Variants in CDH12 observed in about 807,000 individuals in gnomAD.
The protein encoded by CDH12 is cadherin 12.
A neutral mutation model predicts 74.1 loss-of-function variants in CDH12; 41 were observed. That is an observed-to-expected ratio of 0.55 (90% confidence interval 0.43 to 0.72). The LOEUF (loss-of-function observed/expected upper bound fraction) is 0.72. CDH12 is among the 30% of genes least tolerant of loss of function. CDH12 has a pLI of 0.00. For synonymous variants in CDH12, 399 were observed against 355.0 expected, an observed-to-expected ratio of 1.12 and a Z score of -1.39; for missense variants, 945 against 977.2, an observed-to-expected ratio of 0.97 and a Z score of 0.44.
At chr5:22,784,129 T>C (rs1212286997) in intron 1 of CDH12, among the ~76,000 whole-genome samples, 1 of 152,196 alleles carries the variant, frequency 6.6e-6, no homozygotes, top group East Asian at 1.9e-4. Flanking sequence ...TGCCACTATA[T>C]ATAAAGGTTT....
At chr5:22,017,430 A>T (rs1737674501) in intron 5 of CDH12, among the ~76,000 whole-genome samples, 1 of 151,998 alleles carries the variant, frequency 6.6e-6, no homozygotes, top group Admixed American at 6.6e-5. Context: ...CCCTATGAAA[A>T]CTTCAATCCA....
intron 4 of CDH12, among the ~76,000 whole-genome samples, chr5:22,094,575 G>A (rs1315109467): frequency 6.6e-6 from 1 of 152,082 alleles, no homozygotes; most frequent in Non-Finnish European, 1.5e-5. Flanking sequence ...GGGAGAGGGG[G>A]AGAAAGAAGA....
rs923464378 is a variant in CDH12, at chr5:22,643,803, T to A, written c.-522-138439A>T. On this transcript the variant is annotated intron_variant, in intron 1 of 14. Coordinates refer to ENST00000382254, the MANE Select transcript of CDH12 (RefSeq NM_004061.5). ...GTGGCAGCCCTGCATTGAGCAAGTC[T>A]ATCAGTACCATTTTTCCAACGGCAT... Among the ~76,000 whole-genome samples, 3 of 141,732 alleles carry A rather than the reference T, an allele frequency of 2.1e-5. 1 individual carries two copies. Among genetic ancestry groups the A allele is most frequent in the Admixed American group, 7.4e-5 (1 of 13,560 alleles). The allele number at this position is 141,732 out of a possible 152,430, so 93.0% of individuals were successfully genotyped here.
chr5:22,141,708 A>G (rs1281727309), intron 4 of CDH12, among the ~76,000 whole-genome samples: 1 of 152,200 alleles, frequency 6.6e-6, no homozygotes, highest in Non-Finnish European at 1.5e-5. Context: ...GAATTGAAAA[A>G]TATTTTGGAG....
At chr5:22,313,132 G>A (rs1738461340) in intron 3 of CDH12, among the ~76,000 whole-genome samples, 1 of 152,152 alleles carries the variant, frequency 6.6e-6, no homozygotes, top group South Asian at 2.1e-4. Context: ...CCCCTTGGTG[G>A]AGAAGGGTAG....
At chr5:22,700,464 C>A (rs1395102529) in intron 1 of CDH12, among the ~76,000 whole-genome samples, 2 of 152,188 alleles carry the variant, frequency 1.3e-5, no homozygotes, top group Non-Finnish European at 2.9e-5. Context: ...TATTACTTTA[C>A]CTCTTGCCAA....
At chr5:22,447,641 G>T (rs984610468) in intron 2 of CDH12, among the ~76,000 whole-genome samples, 4 of 151,850 alleles carry the variant, frequency 2.6e-5, no homozygotes, top group Non-Finnish European at 5.9e-5. Flanking sequence ...TTTTAAATTT[G>T]GCTTCATTAA....
intron 1 of CDH12, among the ~76,000 whole-genome samples, chr5:22,633,700 C>T (rs1177562884): frequency 6.6e-6 from 1 of 152,130 alleles, no homozygotes; most frequent in African/African-American, 2.4e-5. Flanking sequence ...GATTCTCAGG[C>T]CTTCAAATCT....
rs1259584482 is a variant in CDH12 at position 22,431,215 on chromosome 5, C to T, written c.-427-25864G>A. 2.0e-5 allele frequency among the ~76,000 whole-genome samples: 3 copies of T among 152,204 alleles called. No homozygotes were observed. In the East Asian group the frequency reaches 5.8e-4, roughly 29 times the overall value. ...GCACACAGCAATCAAATATATTAAG[C>T]CACTCAAATCACATATGGTCGTACT... On this transcript the variant is annotated intron_variant, in intron 2 of 14. Coordinates refer to ENST00000382254, the MANE Select transcript of CDH12 (RefSeq NM_004061.5).
intron 3 of CDH12, among the ~76,000 whole-genome samples, chr5:22,344,275 G>A (rs1398999597): frequency 6.6e-6 from 1 of 152,002 alleles, no homozygotes; most frequent in African/African-American, 2.4e-5. Context: ...TTGTTTTCTT[G>A]TTGCATTATG....
At chr5:22,764,494 A>T (rs1377937829) in intron 1 of CDH12, among the ~76,000 whole-genome samples, 1 of 152,036 alleles carries the variant, frequency 6.6e-6, no homozygotes, top group South Asian at 2.1e-4. Context: ...CTACCATAGA[A>T]TCATAAATAT....
intron 1 of CDH12, among the ~76,000 whole-genome samples, chr5:22,548,422 A>G (rs1738419881): frequency 6.6e-6 from 1 of 152,174 alleles, no homozygotes; most frequent in African/African-American, 2.4e-5. Flanking sequence ...ATACGTACCT[A>G]GAAATACAAT....
intron 3 of CDH12, among the ~76,000 whole-genome samples, chr5:22,216,600 T>G (rs922870488): frequency 6.6e-6 from 1 of 151,852 alleles, no homozygotes; most frequent in Non-Finnish European, 1.5e-5. Flanking sequence ...AAGCTAATAC[T>G]ATCACACAGA....
At chr5:22,319,908 G>A (rs555873894) in intron 3 of CDH12, among the ~76,000 whole-genome samples, 1 of 152,092 alleles carries the variant, frequency 6.6e-6, no homozygotes, top group East Asian at 1.9e-4. Flanking sequence ...GAGAAACAGA[G>A]GAAGAGGAAG....
chr5:22,049,324 A>C (rs1740185419), intron 5 of CDH12, among the ~76,000 whole-genome samples: 2 of 152,154 alleles, frequency 1.3e-5, no homozygotes, highest in African/African-American at 2.4e-5. Context: ...ACCATGACAC[A>C]CCATGTTATG....
At chr5:22,658,665 C>A (rs1740186852) in intron 1 of CDH12, among the ~76,000 whole-genome samples, 2 of 152,112 alleles carry the variant, frequency 1.3e-5, no homozygotes, top group African/African-American at 2.4e-5. Flanking sequence ...AAAGAAGACA[C>A]CCTCCTACAT....
intron 4 of CDH12, among the ~76,000 whole-genome samples, chr5:22,144,547 A>G (rs1254432073): frequency 1.3e-5 from 2 of 152,078 alleles, no homozygotes; most frequent in East Asian, 3.9e-4. Context: ...ATTTTGCACT[A>G]AAAGTAAAAA....
At chr5:22,000,245 A>T (rs1194989266) in intron 5 of CDH12, among the ~76,000 whole-genome samples, 2 of 152,120 alleles carry the variant, frequency 1.3e-5, no homozygotes, top group Non-Finnish European at 2.9e-5. Flanking sequence ...TACAGGTGTG[A>T]GCCACCACAC....
At chr5:22,647,394 A>G (rs999584537) in intron 1 of CDH12, among the ~76,000 whole-genome samples, 6 of 151,858 alleles carry the variant, frequency 4.0e-5, no homozygotes, top group East Asian at 1.9e-4. Flanking sequence ...TTAGTTCTAT[A>G]TTAGTAAGCT....
Sources: gnomAD v4.1 joint callset for allele counts (sites outside exome capture counted in the v4.1 genomes callset) on GRCh38, gnomAD v4.1.1 for gene constraint, MANE v1.5 for transcripts, NCBI Gene and HGNC (gene_info 2026-07-23, HGNC 2026-07-21) for gene names.